Variants in PPHLN1 observed in about 807,000 individuals in gnomAD.
PPHLN1 encodes the protein periphilin-1.
Under a neutral mutation model 51.3 loss-of-function variants are expected in PPHLN1, and 29 were observed. The observed-to-expected ratio is 0.57, with a 90% CI of 0.42 to 0.77. The LOEUF is 0.77. Among genes scored for constraint, PPHLN1 ranks in the 30% least tolerant of loss-of-function variants. The pLI is 0.00. For synonymous variants in PPHLN1, 147 were observed against 147.8 expected (o/e 0.99, Z 0.04); for missense variants, 436 against 438.4 (o/e 0.99, Z 0.05).
chr12:42,404,974 C>A (rs1196502358), intron 9 of PPHLN1, among the ~76,000 whole-genome samples: 1 of 152,190 alleles, frequency 6.6e-6, no homozygotes, highest in East Asian at 1.9e-4. Context: ...TTGCAGTGAG[C>A]CAAGATCATG....
At chr12:42,417,655 A>G (rs2080515230) in intron 9 of PPHLN1, among the ~76,000 whole-genome samples, 1 of 152,114 alleles carries the variant, frequency 6.6e-6, no homozygotes, top group Non-Finnish European at 1.5e-5. Flanking sequence ...AAACACTTCA[A>G]ATGTTATTAA....
At chr12:42,439,342 CT>C (rs2082740836) in intron 9 of PPHLN1, among the ~76,000 whole-genome samples, 1 of 152,210 alleles carries the variant, frequency 6.6e-6, no homozygotes, top group Non-Finnish European at 1.5e-5. Context: ...TGAAGACTAT[CT>C]TTTCTCCATT....
intron 9 of PPHLN1, among the ~76,000 whole-genome samples, chr12:42,402,013 C>A (rs1339829641): frequency 1.3e-5 from 2 of 152,082 alleles, no homozygotes; most frequent in Non-Finnish European, 1.5e-5. Context: ...TGCCACCACT[C>A]CCAGCTAATT....
chr12:42,378,266 A>AT (rs1344806555), intron 5 of PPHLN1, among the ~76,000 whole-genome samples: 1 of 152,050 alleles, frequency 6.6e-6, no homozygotes. Context: ...AATTTTTTCT[A>AT]TTTTCCCTTC....
intron 8 of PPHLN1, among the ~76,000 whole-genome samples, chr12:42,398,013 A>G (rs1487591197): frequency 6.6e-6 from 1 of 151,342 alleles, no homozygotes; most frequent in Non-Finnish European, 1.5e-5. Context: ...TGTATGTGTC[A>G]GAAATTCAAA....
intron 1 of PPHLN1, chr12:42,332,641 G>T: frequency 6.4e-7 from 1 of 1,555,282 alleles, no homozygotes; most frequent in South Asian, 1.1e-5. Context: ...CTTTACGTCT[G>T]TATTTCCCCC....
At chr12:42,438,205 T>TC (rs1171778631) in intron 9 of PPHLN1, among the ~76,000 whole-genome samples, 2 of 152,214 alleles carry the variant, frequency 1.3e-5, no homozygotes, top group Non-Finnish European at 2.9e-5. Context: ...GATTGCTGGA[T>TC]TGTATGGTAA....
At chr12:42,374,091 G>A (rs973810441) in intron 4 of PPHLN1, among the ~76,000 whole-genome samples, 2 of 152,070 alleles carry the variant, frequency 1.3e-5, no homozygotes, top group South Asian at 4.2e-4. Flanking sequence ...GGGTGGGTGG[G>A]CAAATTGCAT....
At chr12:42,349,442 G>A (rs181893461) in intron 2 of PPHLN1, among the ~76,000 whole-genome samples, 550 of 151,766 alleles carry the variant, frequency 3.6e-3, no homozygotes, top group Non-Finnish European at 6.6e-3. Flanking sequence ...TCATTCTTGG[G>A]TGTTTCTCGG....
intron 9 of PPHLN1, among the ~76,000 whole-genome samples, chr12:42,413,548 G>A (rs891290862): frequency 6.6e-6 from 1 of 151,140 alleles, no homozygotes; most frequent in African/African-American, 2.4e-5. Flanking sequence ...GTGTGTGTGT[G>A]TGTGTGTGTG....
At chr12:42,358,817 A>G (rs2138384335) in intron 4 of PPHLN1, among the ~76,000 whole-genome samples, 1 of 152,270 alleles carries the variant, frequency 6.6e-6, no homozygotes, top group South Asian at 2.1e-4. Flanking sequence ...ATTCTAGTAC[A>G]TAATATTTTC....
chr12:42,367,367 A>G (rs1449042997), intron 4 of PPHLN1, among the ~76,000 whole-genome samples: 1 of 152,170 alleles, frequency 6.6e-6, no homozygotes, highest in Non-Finnish European at 1.5e-5. Flanking sequence ...CCCCTAGTAT[A>G]AAAACACAAT....
At chr12:42,337,830 C>A (rs2070901010) in intron 2 of PPHLN1, among the ~76,000 whole-genome samples, 1 of 150,916 alleles carries the variant, frequency 6.6e-6, no homozygotes, top group South Asian at 2.1e-4. Flanking sequence ...CTTGCCCAGG[C>A]TGGAGTGCAG....
chr12:42,338,030 C>T (rs572032141), intron 2 of PPHLN1, among the ~76,000 whole-genome samples: 1 of 152,158 alleles, frequency 6.6e-6, no homozygotes, highest in Non-Finnish European at 1.5e-5. Flanking sequence ...GTGATCCACC[C>T]CCCTCAGCCT....
chr12:42,363,942 G>A (rs1198878738), intron 4 of PPHLN1, among the ~76,000 whole-genome samples: 1 of 152,126 alleles, frequency 6.6e-6, no homozygotes, highest in Non-Finnish European at 1.5e-5. Context: ...AAACCTTAGC[G>A]GTCGGGCTCA....
At position 42,398,812 on chromosome 12, in the gene PPHLN1, T is replaced by A. The variant is rs769907129; in HGVS notation, c.769-42T>A. 6 of 1,596,052 alleles carry A rather than the reference T, an allele frequency of 3.8e-6. No individual in the cohort carries two copies. The South Asian group carries it at 6.7e-5, about 18-fold the overall frequency. On this transcript the variant is annotated intron_variant, in intron 8 of 9. Coordinates refer to ENST00000358314, the MANE Select transcript of PPHLN1 (RefSeq NM_201439.2). The stretch of plus-strand genomic sequence containing the variant: ...ACACAACCATCTGAACTGCTCTATG[T>A]TTTTTAAGAAAATAATTAAAGATTT...
chr12:42,398,811 G>A, intron 8 of PPHLN1, 43 bp from the exon 9 acceptor site: 2 of 1,594,682 alleles, frequency 1.3e-6, no homozygotes, highest in East Asian at 2.2e-5. Flanking sequence ...ACTGCTCTAT[G>A]TTTTTTAAGA....
At chr12:42,395,144 G>A (rs551519996) in intron 8 of PPHLN1, among the ~76,000 whole-genome samples, 15 of 151,840 alleles carry the variant, frequency 9.9e-5, no homozygotes, top group African/African-American at 2.9e-4. Context: ...GAGTGACTTC[G>A]GATCTAGAAA....
downstream of PPHLN1, chr12:42,446,128 G>A (rs574038053): frequency 7.6e-6 from 12 of 1,572,870 alleles, no homozygotes; most frequent in East Asian, 1.6e-4. Context: ...TTCGTCGGAC[G>A]ACACAGCTTC....
Sources: gnomAD v4.1 joint callset for allele counts (sites outside exome capture counted in the v4.1 genomes callset) on GRCh38, gnomAD v4.1.1 for gene constraint, MANE v1.5 for transcripts, NCBI Gene and HGNC (gene_info 2026-07-23, HGNC 2026-07-21) for gene names.